CKAP5: variants seen among roughly 807,000 people sequenced by gnomAD.
The protein encoded by CKAP5 is cytoskeleton associated protein 5, also known as cytoskeleton-associated protein 5.
A neutral mutation model predicts 232.8 loss-of-function variants in CKAP5; 27 were observed. The observed-to-expected ratio is 0.12, with a 90% CI of 0.09 to 0.16. The LOEUF (loss-of-function observed/expected upper bound fraction) is 0.16, where lower values mean the gene tolerates loss of function less well. CKAP5 is among the 10% of genes least tolerant of loss of function. CKAP5 has a pLI of 1.00. For missense variants in CKAP5, 1,838 were observed against 2,424.7 expected (o/e 0.76, Z 5.08); for synonymous variants, 785 against 841.1 (o/e 0.93, Z 1.16).
At chr11:46,822,822 C>G (rs1179411099) in intron 1 of CKAP5, among the ~76,000 whole-genome samples, 1 of 150,952 alleles carries the variant, frequency 6.6e-6, no homozygotes, top group Admixed American at 6.6e-5. Flanking sequence ...CTCCCTAATT[C>G]TAGCAAACAT....
At chr11:46,768,502 A>G (rs1373135300) in intron 26 of CKAP5, among the ~76,000 whole-genome samples, 1 of 152,206 alleles carries the variant, frequency 6.6e-6, no homozygotes, top group Non-Finnish European at 1.5e-5. Flanking sequence ...TTAAAGGTAA[A>G]GACATCTTTG....
rs1038413701 is a variant in CKAP5 at position 46,829,875 on chromosome 11, T to A, written c.-37-8607A>T. On this transcript the variant is annotated intron_variant, in intron 1 of 43. Transcript: ENST00000529230. Reference sequence around the variant, plus strand: ...GTGTGTGTGTGTGTGTGTGTGTGTGTGTGTGTGTATCTCACATACACATTT... The same window carrying A: ...GTGTGTGTGTGTGTGTGTGTGTGTGAGTGTGTGTATCTCACATACACATTT... Among the ~76,000 whole-genome samples, 414 of 151,032 alleles carry A rather than the reference T, an allele frequency of 2.7e-3. 2 individuals carry two copies. Among genetic ancestry groups the A allele is most frequent in the African/African-American group, 9.5e-3 (392 of 41,144 alleles).
chr11:46,769,866 G>A (rs1248479353), intron 26 of CKAP5, 97 bp downstream of exon 26: 3 of 1,355,650 alleles, frequency 2.2e-6, no homozygotes, highest in Non-Finnish European at 3.1e-6. Context: ...GATCTACGCT[G>A]TAAGGAAATG....
In CKAP5 at chr11:46,809,209, A is replaced by T. The variant is rs572949636; in HGVS notation, c.864+191T>A. Among the ~76,000 whole-genome samples, 37 of 152,304 alleles carry T rather than the reference A, an allele frequency of 2.4e-4. No individual in the cohort carries two copies. In the East Asian group the frequency reaches 6.0e-3, roughly 25 times the overall value. Reference sequence around the variant, plus strand: ...CTGGTTTTATGGCAAGACATGTTTTAAAAAAGTGCTATAATATATATATGT... The same window carrying T: ...CTGGTTTTATGGCAAGACATGTTTTTAAAAAGTGCTATAATATATATATGT... On this transcript the variant is annotated intron_variant, in intron 7 of 43. Coordinates refer to ENST00000529230, the MANE Select transcript of CKAP5 (RefSeq NM_001008938.4).
Position 46,830,374 on chromosome 11 carries a change from G to C in CKAP5, c.-37-9106C>G, listed in dbSNP as rs541263258. 9.1e-5 allele frequency among the ~76,000 whole-genome samples: 13 copies of C among 142,692 alleles called. No individual in the cohort carries two copies. The South Asian group carries it at 2.0e-3, about 22-fold the overall frequency. 93.6% of individuals were successfully genotyped at this position (142,692 alleles called of 152,430 possible). A position where few individuals can be genotyped will look rare whatever the true frequency, so the allele number is the denominator to read the frequency against. ...GAGAATGGCATGAACCTGGGAGGCAGAGCTTGCAGTGAGCCGAGATGGCAC... is the reference window on the plus strand; with the variant it reads ...GAGAATGGCATGAACCTGGGAGGCACAGCTTGCAGTGAGCCGAGATGGCAC... On this transcript the variant is annotated intron_variant, in intron 1 of 43. Transcript: ENST00000529230.
At chr11:46,812,149 T>A (rs546141337) in intron 4 of CKAP5, among the ~76,000 whole-genome samples, 1 of 152,100 alleles carries the variant, frequency 6.6e-6, no homozygotes, top group Admixed American at 6.5e-5. Context: ...CTGGCCAACA[T>A]GGTGAAACCC....
rs1222775806 is a variant in CKAP5, at chr11:46,765,777, G to A, written c.3412-521C>T. 2.6e-5 allele frequency among the ~76,000 whole-genome samples: 4 copies of A among 151,848 alleles called. No individual in the cohort carries two copies. The East Asian group carries it at 7.7e-4, about 29-fold the overall frequency. ...CCACCACCACCCCTGGCTAATTTTT[G>A]TATTTTTAGTAGAGACAGGGTTTCA... On this transcript the variant is annotated intron_variant, in intron 27 of 43. Coordinates refer to ENST00000529230, the MANE Select transcript of CKAP5 (RefSeq NM_001008938.4).
intron 1 of CKAP5, among the ~76,000 whole-genome samples, chr11:46,822,741 C>CAAA (rs57170422): frequency 6.2e-4 from 48 of 77,826 alleles, no homozygotes; most frequent in African/African-American, 1.9e-3. Flanking sequence ...GACTCCGTCC[C>CAAA]AAAAAAAAAA....
intron 2 of CKAP5, among the ~76,000 whole-genome samples, chr11:46,818,704 A>T (rs1565751638): frequency 6.6e-6 from 1 of 152,154 alleles, no homozygotes; most frequent in Non-Finnish European, 1.5e-5. Flanking sequence ...AACTTCTTAC[A>T]AGTGTTTAGT....
chr11:46,770,562 G>T (rs2065238964), intron 25 of CKAP5, among the ~76,000 whole-genome samples: 1 of 152,184 alleles, frequency 6.6e-6, no homozygotes, highest in South Asian at 2.1e-4. Context: ...CTCCCAAGTA[G>T]CTGGGATTAC....
At chr11:46,789,554 T>C (rs1219969775) in intron 15 of CKAP5, among the ~76,000 whole-genome samples, 3 of 152,090 alleles carry the variant, frequency 2.0e-5, no homozygotes, top group African/African-American at 4.8e-5. Flanking sequence ...CCCAGCACTT[T>C]GGGAGGCTGA....
intron 31 of CKAP5, 138 bp downstream of exon 31, chr11:46,762,489 T>A: frequency 9.2e-7 from 1 of 1,091,344 alleles, no homozygotes. Context: ...GTGCAACTCA[T>A]CACTCTCACA....
At chr11:46,796,164 CAA>C (rs60980136) in intron 12 of CKAP5, among the ~76,000 whole-genome samples, 165 of 113,290 alleles carry the variant, frequency 1.5e-3, no homozygotes, top group African/African-American at 3.2e-3. Flanking sequence ...GATTCATTGC[CAA>C]AAAAAAAAAA....
chr11:46,835,751 G>A (rs550323983), intron 1 of CKAP5, among the ~76,000 whole-genome samples: 7 of 152,134 alleles, frequency 4.6e-5, no homozygotes, highest in Non-Finnish European at 8.8e-5. Context: ...TTAACTCCGG[G>A]AAGTGGAATC....
intron 1 of CKAP5, among the ~76,000 whole-genome samples, chr11:46,822,137 G>C (rs1022355432): frequency 2.0e-5 from 3 of 151,886 alleles, no homozygotes; most frequent in Admixed American, 6.6e-5. Context: ...AAATTAGCCA[G>C]GCGTAGTGGT....
At chr11:46,829,173 T>G (rs1014692271) in intron 1 of CKAP5, among the ~76,000 whole-genome samples, 2 of 152,222 alleles carry the variant, frequency 1.3e-5, no homozygotes, top group Non-Finnish European at 2.9e-5. Flanking sequence ...ACGGGTTGAC[T>G]TGCATGTGAA....
At chr11:46,822,146 G>A (rs1225269458) in intron 1 of CKAP5, among the ~76,000 whole-genome samples, 1 of 151,842 alleles carries the variant, frequency 6.6e-6, no homozygotes, top group East Asian at 1.9e-4. Context: ...AGGCGTAGTG[G>A]TGTGTGTGCC....
Position 46,780,442 on chromosome 11 carries a change from C to T in CKAP5, c.2293G>A (p.Ala765Thr). The change falls in exon 19 of 44, where the codon GCT (alanine) becomes ACT (threonine). Residue 765 changes from alanine (A) to threonine (T), a missense_variant. By Grantham distance (58) the Ala-to-Thr change is moderately conservative. Around this residue, in one of 6 missense-constraint regions of CKAP5, gnomAD observed 767 missense variants for 954.6 expected, o/e 0.80. Transcript: ENST00000529230. ...AFISNVKTAL[A>T]ATNPAVRTAA... The stretch of plus-strand genomic sequence containing the variant: ...TATGTACTCACTGGGTTTGTTGCAG[C>T]AAGAGCTGTCTTCACATTGCTAATG... 6.2e-7 allele frequency: 1 copy of T among 1,613,964 alleles called. No individual in the cohort carries two copies. The highest frequency in any genetic ancestry group is 8.5e-7 in the Non-Finnish European group (1 of 1,179,910).
In CKAP5 at chr11:46,818,396, T is replaced by G. The variant is rs544189433; in HGVS notation, c.165A>C (p.Lys55Asn). The change falls in exon 3 of 44, where the codon AAA becomes AAC. Residue 55 changes from lysine (K) to asparagine (N), a missense_variant. This residue lies in a region of CKAP5 where 285 missense variants were observed against 300.0 expected (regional missense o/e 0.95). Coordinates refer to ENST00000529230, the MANE Select transcript of CKAP5 (RefSeq NM_001008938.4). ...EWSKFLGLIK[K>N]FVTDSNAVVQ... Reference sequence around the variant, plus strand: ...CCACTGCATTGGAATCAGTGACAAATTTTTTGATCAATCCTAAAAATTTGG... The same window carrying G: ...CCACTGCATTGGAATCAGTGACAAAGTTTTTGATCAATCCTAAAAATTTGG... 2 of 1,611,892 alleles carry G rather than the reference T, an allele frequency of 1.2e-6. No individual in the cohort carries two copies. Among genetic ancestry groups the G allele is most frequent in the African/African-American group, 2.7e-5 (2 of 74,894 alleles).
Sources: gnomAD v4.1 joint callset for allele counts (sites outside exome capture counted in the v4.1 genomes callset) on GRCh38, gnomAD v4.1.1 for gene constraint, gnomAD v4.1.1 regional missense constraint, MANE v1.5 for transcripts, NCBI Gene and HGNC (gene_info 2026-07-23, HGNC 2026-07-21) for gene names.